TRIM2: variants seen among roughly 807,000 people sequenced by gnomAD.
TRIM2 encodes the protein tripartite motif containing 2.
TRIM2 carries 20 observed loss-of-function variants against 75.2 expected under a neutral mutation model. That is an observed-to-expected ratio of 0.27 (90% CI 0.19 to 0.39). The LOEUF is 0.39. Ranked by LOEUF, TRIM2 falls within the 10% of genes least tolerant of loss-of-function variation. The probability of loss-of-function intolerance (pLI) is 1.00; values close to 1 mark genes in which losing one functional copy is unlikely to be tolerated. For synonymous variants in TRIM2, 373 were observed against 388.3 expected (o/e 0.96, Z 0.46); for missense variants, 660 against 990.8 (o/e 0.67, Z 4.48).
In TRIM2 at chr4:153,276,547, T is replaced by G. The variant is rs138088693; in HGVS notation, c.453+417T>G. ...TCATGCTACATTAGACCTTATTCCT[T>G]ATTAATAGATAGAATTTGAAGCTAT... On this transcript the variant is annotated intron_variant, in intron 3 of 11. Coordinates refer to ENST00000338700, the MANE Select transcript of TRIM2 (RefSeq NM_015271.5). Among the ~76,000 whole-genome samples the G allele has an allele frequency of 2.0e-5, 3 of 152,348 alleles. No individual in the cohort carries two copies. In the East Asian group the frequency reaches 5.8e-4, roughly 29 times the overall value.
At chr4:153,268,939 G>A (rs1345323853) in intron 1 of TRIM2, among the ~76,000 whole-genome samples, 1 of 152,090 alleles carries the variant, frequency 6.6e-6, no homozygotes, top group East Asian at 1.9e-4. Flanking sequence ...CTACCCCATA[G>A]CAAATATATT....
At chr4:153,299,322 G>T (rs1763384757) in intron 6 of TRIM2, among the ~76,000 whole-genome samples, 1 of 151,978 alleles carries the variant, frequency 6.6e-6, no homozygotes, top group African/African-American at 2.4e-5. Flanking sequence ...CTCAATTTTT[G>T]AAGCTGAATA....
intron 3 of TRIM2, among the ~76,000 whole-genome samples, chr4:153,290,712 G>A (rs942092377): frequency 2.0e-5 from 3 of 152,116 alleles, no homozygotes; most frequent in Non-Finnish European, 2.9e-5. Flanking sequence ...CTGCAACCTC[G>A]AACTCCGAAG....
At chr4:153,228,644 C>G (rs960196288) in intron 1 of TRIM2, among the ~76,000 whole-genome samples, 2 of 152,230 alleles carry the variant, frequency 1.3e-5, no homozygotes, top group Non-Finnish European at 2.9e-5. Flanking sequence ...ATGCTGCTTT[C>G]CATCTTATAA....
intron 1 of TRIM2, among the ~76,000 whole-genome samples, chr4:153,205,631 A>G (rs1012772214): frequency 6.6e-6 from 1 of 152,186 alleles, no homozygotes; most frequent in Non-Finnish European, 1.5e-5. Context: ...TGATAAAATG[A>G]AAAGGTGAGG....
At chr4:153,180,690 T>TTGG (rs1457857796) in intron 1 of TRIM2, among the ~76,000 whole-genome samples, 3 of 152,100 alleles carry the variant, frequency 2.0e-5, no homozygotes, top group Non-Finnish European at 4.4e-5. Flanking sequence ...GTTGGCCAGG[T>TTGG]TGGTCTCCTA....
chr4:153,229,132 A>G (rs1742938903), intron 1 of TRIM2, among the ~76,000 whole-genome samples: 1 of 152,204 alleles, frequency 6.6e-6, no homozygotes, highest in Non-Finnish European at 1.5e-5. Flanking sequence ...TATTTTACTC[A>G]TTTTTAACAC....
At chr4:153,195,948 T>A (rs1277805855) in intron 1 of TRIM2, among the ~76,000 whole-genome samples, 1 of 152,216 alleles carries the variant, frequency 6.6e-6, no homozygotes, top group African/African-American at 2.4e-5. Flanking sequence ...TAGCAGGGAT[T>A]ACTGGCGTGC....
intron 6 of TRIM2, among the ~76,000 whole-genome samples, chr4:153,310,443 T>G (rs1766020800): frequency 6.6e-6 from 1 of 152,206 alleles, no homozygotes; most frequent in Admixed American, 6.5e-5. Context: ...TGGAATTGCC[T>G]TAAGACACTT....
rs374583487 is a variant in TRIM2, at chr4:153,280,760, C to T, written c.453+4630C>T. 2.6e-5 allele frequency among the ~76,000 whole-genome samples: 4 copies of T among 151,932 alleles called. No homozygotes were observed. The East Asian group carries it at 7.7e-4, about 29-fold the overall frequency. On this transcript the variant is annotated intron_variant, in intron 3 of 11. Transcript: ENST00000338700. ...AGTGCAGCGGCACGATCTTGGCTGA[C>T]TACAAGCTCTGCCTCCCGGGTTCAC...
At chr4:153,159,092 G>A (rs1729499167) in intron 1 of TRIM2, among the ~76,000 whole-genome samples, 1 of 152,158 alleles carries the variant, frequency 6.6e-6, no homozygotes, top group Non-Finnish European at 1.5e-5. Context: ...GTCCGGCACT[G>A]TTCATTGCAT....
At chr4:153,294,229 A>G in intron 4 of TRIM2, 76 bp from the exon 5 acceptor site, 1 of 1,476,856 alleles carries the variant, frequency 6.8e-7, no homozygotes, top group East Asian at 2.3e-5. Context: ...TTTTTAAACA[A>G]AATGTAGTGT....
chr4:153,233,259 C>A (rs562153846), intron 1 of TRIM2, among the ~76,000 whole-genome samples: 1 of 152,156 alleles, frequency 6.6e-6, no homozygotes, highest in South Asian at 2.1e-4. Context: ...TGGGAGAAGA[C>A]TTTGGTTTAG....
chr4:153,160,306 C>A (rs1353289450), intron 1 of TRIM2, among the ~76,000 whole-genome samples: 1 of 152,164 alleles, frequency 6.6e-6, no homozygotes, highest in South Asian at 2.1e-4. Flanking sequence ...AAAGATGAAT[C>A]GGAGATTCAA....
intron 1 of TRIM2, among the ~76,000 whole-genome samples, chr4:153,262,079 T>G (rs1003131015): frequency 1.3e-5 from 2 of 152,264 alleles, no homozygotes; most frequent in Admixed American, 6.5e-5. Context: ...GGGATTTATG[T>G]GCCAACCTTC....
chr4:153,270,342 G>GT lies in TRIM2; in HGVS notation c.39dup (p.Ala14CysfsTer14), dbSNP rs1287350283. The GT allele has an allele frequency of 6.2e-7, 1 of 1,611,428 alleles. No individual in the cohort carries two copies. Among genetic ancestry groups the GT allele is most frequent in the Non-Finnish European group, 8.5e-7 (1 of 1,178,874 alleles). On this transcript the variant is annotated frameshift_variant, in exon 2 of 12. Coordinates refer to ENST00000338700, the MANE Select transcript of TRIM2 (RefSeq NM_015271.5). LOFTEE classifies it high-confidence loss of function. Reference sequence around the variant, plus strand: ...TGATTTTCTGTCTGACAGCAGCAGCGTGCAGGGTCAAAGACAGCCGGCCCC... The same window carrying GT: ...TGATTTTCTGTCTGACAGCAGCAGCGTTGCAGGGTCAAAGACAGCCGGCCCC...
At chr4:153,168,113 C>G (rs1283373785) in intron 1 of TRIM2, among the ~76,000 whole-genome samples, 1 of 136,288 alleles carries the variant, frequency 7.3e-6, no homozygotes, top group Non-Finnish European at 1.7e-5. Context: ...ACAAAGGTGT[C>G]TGTACAAGGA....
chr4:153,279,962 A>AG (rs1191890267), intron 3 of TRIM2, among the ~76,000 whole-genome samples: 2 of 147,332 alleles, frequency 1.4e-5, no homozygotes, highest in Non-Finnish European at 1.5e-5. Context: ...AAAAAAAAGC[A>AG]GGGGGGGATA....
intron 1 of TRIM2, among the ~76,000 whole-genome samples, chr4:153,262,645 C>G (rs996168618): frequency 1.3e-5 from 2 of 152,146 alleles, no homozygotes; most frequent in Non-Finnish European, 2.9e-5. Flanking sequence ...TGGCTCCTTA[C>G]TGAACCATAA....
Sources: allele counts gnomAD v4.1 joint callset (sites outside exome capture counted in the v4.1 genomes callset), GRCh38; gene constraint gnomAD v4.1.1; transcripts MANE v1.5; gene names NCBI Gene and HGNC (gene_info 2026-07-23, HGNC 2026-07-21).